MYO5B: variants seen among roughly 807,000 people sequenced by gnomAD.
The protein encoded by MYO5B is myosin VB, also known as unconventional myosin-Vb.
Under a neutral mutation model 229.3 loss-of-function variants are expected in MYO5B, and 143 were observed. The observed-to-expected ratio is 0.62, with a 90% CI of 0.54 to 0.72. The LOEUF (loss-of-function observed/expected upper bound fraction) is 0.72. MYO5B is among the 30% of genes least tolerant of loss of function. MYO5B has a pLI of 0.00. For missense variants in MYO5B, 2,321 were observed against 2,331.0 expected, an observed-to-expected ratio of 1.00 and a Z score of 0.09; for synonymous variants, 918 against 885.2, an observed-to-expected ratio of 1.04 and a Z score of -0.66.
chr18:50,156,342 C>A (rs964811465), intron 1 of MYO5B, among the ~76,000 whole-genome samples: 1 of 152,190 alleles, frequency 6.6e-6, no homozygotes, highest in African/African-American at 2.4e-5. Flanking sequence ...CCCATAATCC[C>A]CCCGTGTTGC....
intron 27 of MYO5B, among the ~76,000 whole-genome samples, chr18:49,869,400 C>T (rs78814171): frequency 0.089 from 13,580 of 152,124 alleles, 780 homozygotes; most frequent in African/African-American, 0.16. Flanking sequence ...CAGGGGTCCC[C>T]GGGACCAGCC....
intron 1 of MYO5B, among the ~76,000 whole-genome samples, chr18:50,066,221 CCA>C (rs1263379719): frequency 6.6e-6 from 1 of 152,148 alleles, no homozygotes; most frequent in Admixed American, 6.5e-5. Flanking sequence ...GTGCATAACC[CCA>C]GTCCCTTCCC....
At chr18:50,068,291 C>T (rs1598995558) in intron 1 of MYO5B, among the ~76,000 whole-genome samples, 1 of 152,170 alleles carries the variant, frequency 6.6e-6, no homozygotes, top group South Asian at 2.1e-4. Flanking sequence ...GAAACCCACA[C>T]CAGGTGTTAA....
Position 50,048,971 on chromosome 18 carries a change from G to C in MYO5B, c.138+6297C>G, listed in dbSNP as rs368710192. Among the ~76,000 whole-genome samples, 3 of 150,556 alleles carry C rather than the reference G, an allele frequency of 2.0e-5. No individual in the cohort carries two copies. In the South Asian group the frequency reaches 6.3e-4, roughly 32 times the overall value. ...GGGGGGGCAGAGGTTGAAGTGTGCCGAGATTGCACCACTGCACCCCAGCCT... is the reference window on the plus strand; with the variant it reads ...GGGGGGGCAGAGGTTGAAGTGTGCCCAGATTGCACCACTGCACCCCAGCCT... On this transcript the variant is annotated intron_variant, in intron 2 of 39. Coordinates refer to ENST00000285039, the MANE Select transcript of MYO5B (RefSeq NM_001080467.3).
At chr18:50,020,659 A>G (rs974454142) in intron 4 of MYO5B, among the ~76,000 whole-genome samples, 2 of 152,244 alleles carry the variant, frequency 1.3e-5, no homozygotes, top group Admixed American at 6.5e-5. Context: ...GATGTGGCTC[A>G]TGCCAAGGTG....
intron 2 of MYO5B, among the ~76,000 whole-genome samples, chr18:50,047,414 G>A (rs2030261282): frequency 1.3e-5 from 2 of 152,118 alleles, no homozygotes; most frequent in African/African-American, 4.8e-5. Flanking sequence ...CAGTTAGAAT[G>A]GCAATCATTA....
intron 27 of MYO5B, among the ~76,000 whole-genome samples, chr18:49,865,409 A>C (rs986966475): frequency 6.6e-6 from 1 of 152,164 alleles, no homozygotes; most frequent in African/African-American, 2.4e-5. Context: ...TGAGGGCCCC[A>C]AAATAAGGTG....
At position 50,001,421 on chromosome 18, in the gene MYO5B, A is replaced by C. The variant is rs62620046; in HGVS notation, c.456-10T>G. On this transcript the variant is annotated splice_polypyrimidine_tract_variant and intron_variant, in intron 4 of 39. Coordinates refer to ENST00000285039, the MANE Select transcript of MYO5B (RefSeq NM_001080467.3). ...CTGATTCTTCTCATCTCTGGAAGGA[A>C]AAAAGCTCTGATAAGTCATTGGCCA... is the stretch of plus-strand genomic sequence containing the variant. 1.2e-5 allele frequency: 19 copies of C among 1,613,930 alleles called. No homozygotes were observed. Among genetic ancestry groups the C allele is most frequent in the Non-Finnish European group, 1.6e-5 (19 of 1,179,960 alleles).
chr18:50,053,030 C>A (rs2030443382), intron 2 of MYO5B, among the ~76,000 whole-genome samples: 1 of 152,108 alleles, frequency 6.6e-6, no homozygotes, highest in Admixed American at 6.6e-5. Context: ...GATTTTCCAG[C>A]CAGCATAGTA....
At chr18:50,179,133 C>G (rs1349110497) in intron 1 of MYO5B, among the ~76,000 whole-genome samples, 1 of 152,172 alleles carries the variant, frequency 6.6e-6, no homozygotes, top group Non-Finnish European at 1.5e-5. Flanking sequence ...GGTTAAAGCT[C>G]TTCCAGACAT....
chr18:50,178,434 C>T (rs1032752601), intron 1 of MYO5B, among the ~76,000 whole-genome samples: 1 of 152,184 alleles, frequency 6.6e-6, no homozygotes, highest in Admixed American at 6.5e-5. Context: ...TTCTTAGTAT[C>T]CACAGTACTC....
chr18:50,175,354 C>T (rs550001156), intron 1 of MYO5B, among the ~76,000 whole-genome samples: 1 of 152,182 alleles, frequency 6.6e-6, no homozygotes, highest in Non-Finnish European at 1.5e-5. Context: ...TCCTAAAAGA[C>T]AACAGGTGGT....
intron 1 of MYO5B, among the ~76,000 whole-genome samples, chr18:50,072,685 G>A (rs2030986501): frequency 6.6e-6 from 1 of 152,196 alleles, no homozygotes; most frequent in Non-Finnish European, 1.5e-5. Context: ...AGTTAAGCAG[G>A]CAAAGCATAA....
At chr18:49,983,190 T>TGCC (rs2025834906) in intron 8 of MYO5B, among the ~76,000 whole-genome samples, 2 of 152,152 alleles carry the variant, frequency 1.3e-5, no homozygotes, top group African/African-American at 4.8e-5. Context: ...TGTAAACATT[T>TGCC]CTCCTTTGCC....
intron 17 of MYO5B, among the ~76,000 whole-genome samples, chr18:49,918,044 T>A (rs1160384711): frequency 1.3e-5 from 2 of 152,226 alleles, no homozygotes; most frequent in African/African-American, 2.4e-5. Context: ...TTCCTTGTAA[T>A]GAGCTCCTCA....
intron 1 of MYO5B, among the ~76,000 whole-genome samples, chr18:50,116,585 A>G (rs887985088): frequency 1.3e-5 from 2 of 152,176 alleles, no homozygotes; most frequent in Admixed American, 6.5e-5. Context: ...CAAGTTCTCA[A>G]TTAACCCAAT....
At chr18:50,106,913 G>T (rs2031771592) in intron 1 of MYO5B, among the ~76,000 whole-genome samples, 1 of 152,094 alleles carries the variant, frequency 6.6e-6, no homozygotes, top group Admixed American at 6.5e-5. Flanking sequence ...AAACCCTGGA[G>T]AAATAAATGC....
At chr18:50,016,778 C>T (rs1045351741) in intron 4 of MYO5B, among the ~76,000 whole-genome samples, 16 of 152,176 alleles carry the variant, frequency 1.1e-4, no homozygotes, top group African/African-American at 3.9e-4. Context: ...AAACCCCACA[C>T]CCATTACCAG....
chr18:49,920,802 C>T (rs566265045), intron 17 of MYO5B, among the ~76,000 whole-genome samples: 6 of 152,272 alleles, frequency 3.9e-5, no homozygotes, highest in African/African-American at 1.4e-4. Flanking sequence ...CAGTCTCAGG[C>T]TCTGACTTAA....
Sources: allele counts gnomAD v4.1 joint callset (sites outside exome capture counted in the v4.1 genomes callset), GRCh38; gene constraint gnomAD v4.1.1; transcripts MANE v1.5; gene names NCBI Gene and HGNC (gene_info 2026-07-23, HGNC 2026-07-21).